GABRA2: variants seen among roughly 807,000 people sequenced by gnomAD.
GABRA2 encodes gamma-aminobutyric acid receptor subunit alpha-2.
Under a neutral mutation model 48.7 loss-of-function variants are expected in GABRA2, and 16 were observed. That is an observed-to-expected ratio of 0.33 (90% CI 0.22 to 0.50). The LOEUF is 0.50. Ranked by LOEUF, GABRA2 falls within the 20% of genes least tolerant of loss-of-function variation. The pLI, the probability that GABRA2 is intolerant of heterozygous loss-of-function variation, is 0.98. For synonymous variants in GABRA2, 185 were observed against 184.5 expected, an observed-to-expected ratio of 1.00 and a Z score of -0.02; for missense variants, 275 against 535.6, an observed-to-expected ratio of 0.51 and a Z score of 4.80.
At chr4:46,364,564 T>G (rs531208275) in intron 3 of GABRA2, 2 of 152,310 alleles carry the variant, frequency 1.3e-5, no homozygotes, top group Admixed American at 1.3e-4. Context: ...GCTTCTAAGC[T>G]CTTTCAGATT....
In GABRA2 at chr4:46,361,831, A is replaced by C. The variant is rs549379445; in HGVS notation, c.187+24243T>G. Among the ~76,000 whole-genome samples, 167 of 152,356 alleles carry C rather than the reference A, an allele frequency of 1.1e-3. 2 individuals carry two copies. The highest frequency in any genetic ancestry group is 4.0e-3 in the African/African-American group (165 of 41,594). ...TCAGCATTACCTGGATGTGAGACAT[A>C]GAGTCAAAGGAGATCATTTTGAAGC... On this transcript the variant is annotated intron_variant, in intron 3 of 9. Transcript: ENST00000381620.
chr4:46,375,327 T>C (rs1715530274), intron 3 of GABRA2, among the ~76,000 whole-genome samples: 1 of 152,172 alleles, frequency 6.6e-6, no homozygotes, highest in African/African-American at 2.4e-5. Flanking sequence ...AAAACAAAAA[T>C]TTCCAGAATT....
chr4:46,283,783 G>T (rs547206334), intron 8 of GABRA2, among the ~76,000 whole-genome samples: 1 of 152,150 alleles, frequency 6.6e-6, no homozygotes, highest in East Asian at 1.9e-4. Context: ...TTTTTGAGAC[G>T]GAGTCTCACT....
chr4:46,326,490 G>A (rs1730396645), intron 4 of GABRA2, among the ~76,000 whole-genome samples: 1 of 150,082 alleles, frequency 6.7e-6, no homozygotes, highest in Non-Finnish European at 1.5e-5. Context: ...TAAGACAGTG[G>A]TCTCTGCCTT....
chr4:46,299,197 C>T (rs1044418498), intron 8 of GABRA2, among the ~76,000 whole-genome samples: 9 of 151,284 alleles, frequency 5.9e-5, no homozygotes, highest in African/African-American at 2.2e-4. Context: ...TGTTTATAAC[C>T]CTAAGTTAAA....
chr4:46,322,888 C>G (rs1300555775), intron 4 of GABRA2, among the ~76,000 whole-genome samples: 1 of 151,874 alleles, frequency 6.6e-6, no homozygotes, highest in African/African-American at 2.4e-5. Flanking sequence ...TCCTTAAATT[C>G]GCAGGTGTCA....
At chr4:46,364,113 T>C (rs1713663631) in intron 3 of GABRA2, 1 of 152,212 alleles carries the variant, frequency 6.6e-6, no homozygotes, top group Non-Finnish European at 1.5e-5. Flanking sequence ...TAAAGGGGCA[T>C]GTAAGATCCC....
intron 2 of GABRA2, among the ~76,000 whole-genome samples, chr4:46,388,072 A>G (rs1338186824): frequency 2.0e-5 from 3 of 152,160 alleles, no homozygotes; most frequent in Non-Finnish European, 4.4e-5. Context: ...TGAGAAAAAA[A>G]TCTTAATAAT....
At chr4:46,370,456 T>C (rs950848198) in intron 3 of GABRA2, among the ~76,000 whole-genome samples, 1 of 151,796 alleles carries the variant, frequency 6.6e-6, no homozygotes, top group African/African-American at 2.4e-5. Flanking sequence ...CAAGTGGAGG[T>C]AGATCTATGA....
At chr4:46,325,285 G>A (rs73244131) in intron 4 of GABRA2, among the ~76,000 whole-genome samples, 3,932 of 152,012 alleles carry the variant, frequency 0.026, 64 homozygotes, top group Middle Eastern at 0.065. Context: ...CCATCTGACT[G>A]AGGTGAGATG....
At chr4:46,368,596 C>G (rs180703700) in intron 3 of GABRA2, 1 of 184,148 alleles carries the variant, frequency 5.4e-6, no homozygotes, top group Non-Finnish European at 1.1e-5. Context: ...ACAAGTTTTC[C>G]GACTGGTTTT....
At chr4:46,356,817 C>A (rs991725680) in intron 3 of GABRA2, among the ~76,000 whole-genome samples, 6 of 152,110 alleles carry the variant, frequency 3.9e-5, no homozygotes, top group Admixed American at 2.6e-4. Flanking sequence ...TATTCACTAC[C>A]CATAAATAAC....
chr4:46,368,920 CT>C (rs1714459382), intron 3 of GABRA2: 1 of 670,142 alleles, frequency 1.5e-6, no homozygotes, highest in African/African-American at 1.8e-5. Flanking sequence ...TTTATTTGTT[CT>C]GCCCATGGAG....
chr4:46,263,087 A>G (rs1717384125), intron 8 of GABRA2, among the ~76,000 whole-genome samples: 1 of 152,068 alleles, frequency 6.6e-6, no homozygotes, highest in African/African-American at 2.4e-5. Flanking sequence ...ATATATACAT[A>G]TACATATACA....
rs1560415654 is a variant in GABRA2 at position 46,245,550 on chromosome 4, GA to G, written c.*4757del. On this transcript the variant is annotated 3_prime_UTR_variant, in exon 10 of 10. Transcript: ENST00000381620. ...TTAATAAGTTTGTTATGGATTTACT[GA>G]AAAATGTGTTCTAGTGTGCAAGTTA... Among the ~76,000 whole-genome samples the G allele has an allele frequency of 1.3e-5, 2 of 151,328 alleles. No individual in the cohort carries two copies. Among genetic ancestry groups the G allele is most frequent in the Non-Finnish European group, 3.0e-5 (2 of 67,514 alleles).
intron 6 of GABRA2, among the ~76,000 whole-genome samples, chr4:46,307,358 AT>A (rs1560506791): frequency 6.6e-6 from 1 of 152,042 alleles, no homozygotes; most frequent in Admixed American, 6.6e-5. Flanking sequence ...ATGGCACAGA[AT>A]TTAACAAAAA....
At chr4:46,279,904 A>G (rs1415932040) in intron 8 of GABRA2, among the ~76,000 whole-genome samples, 1 of 152,134 alleles carries the variant, frequency 6.6e-6, no homozygotes, top group Non-Finnish European at 1.5e-5. Flanking sequence ...TCCACTACTT[A>G]TAGATTATAT....
rs1046631517 is a variant in GABRA2, at chr4:46,390,055, C to A, written c.-331G>T. ...GGAAAACGATGACAGGAGCTGGGGC[C>A]GGGGGGGGAAATTGGGGGGACGCGG... On this transcript the variant is annotated 5_prime_UTR_variant, in exon 1 of 10. Transcript: ENST00000381620. The A allele has an allele frequency of 3.0e-6, 1 of 334,386 alleles. No individual in the cohort carries two copies. Among genetic ancestry groups the A allele is most frequent in the Non-Finnish European group, 3.7e-6 (1 of 267,128 alleles). The allele number at this position is 334,386 out of a possible 1,614,324, so 20.7% of individuals were successfully genotyped here.
chr4:46,380,420 A>C (rs1218802962), intron 3 of GABRA2, among the ~76,000 whole-genome samples: 1 of 152,204 alleles, frequency 6.6e-6, no homozygotes, highest in Non-Finnish European at 1.5e-5. Flanking sequence ...AAGCTTTTAT[A>C]AATTAAATGC....
Sources: allele counts gnomAD v4.1 joint callset (sites outside exome capture counted in the v4.1 genomes callset), GRCh38; gene constraint gnomAD v4.1.1; transcripts MANE v1.5; gene names NCBI Gene and HGNC (gene_info 2026-07-23, HGNC 2026-07-21).